Variants in ROBO1 observed in about 807,000 individuals in gnomAD.
ROBO1 encodes the protein roundabout guidance receptor 1.
In ROBO1, 149 loss-of-function variants were observed where a neutral mutation model predicts 195.9. The observed-to-expected ratio is 0.76, with a 90% CI of 0.67 to 0.87. The LOEUF (loss-of-function observed/expected upper bound fraction) is 0.87, where lower values mean the gene tolerates loss of function less well. ROBO1 is among the 40% of genes least tolerant of loss of function. The pLI is 0.00. For missense variants in ROBO1, 1,933 were observed against 2,068.3 expected (o/e 0.93, Z 1.27); for synonymous variants, 816 against 733.2 (o/e 1.11, Z -1.82).
At chr3:79,197,191 C>T (rs920233580) in intron 2 of ROBO1, among the ~76,000 whole-genome samples, 3 of 151,856 alleles carry the variant, frequency 2.0e-5, no homozygotes, top group African/African-American at 7.2e-5. Context: ...TCTCTCCCAG[C>T]ACCCCACCCC....
intron 2 of ROBO1, among the ~76,000 whole-genome samples, chr3:79,334,404 A>T (rs966769756): frequency 6.7e-6 from 1 of 148,640 alleles, no homozygotes; most frequent in Non-Finnish European, 1.5e-5. Context: ...CATCTAATAT[A>T]TTATCTGCTT....
intron 2 of ROBO1, among the ~76,000 whole-genome samples, chr3:79,398,970 A>G (rs1324624717): frequency 6.6e-6 from 1 of 151,764 alleles, no homozygotes; most frequent in Non-Finnish European, 1.5e-5. Flanking sequence ...TTTTGAGGGC[A>G]TAAGAGAGTG....
intron 1 of ROBO1, among the ~76,000 whole-genome samples, chr3:79,734,521 A>G (rs1703297097): frequency 6.6e-6 from 1 of 152,212 alleles, no homozygotes; most frequent in Admixed American, 6.5e-5. Flanking sequence ...TGCAGTAAGC[A>G]TTTATATTCA....
At chr3:79,429,145 T>C (rs775787261) in intron 2 of ROBO1, among the ~76,000 whole-genome samples, 2 of 152,114 alleles carry the variant, frequency 1.3e-5, no homozygotes, top group Non-Finnish European at 2.9e-5. Flanking sequence ...AAGATGAAAC[T>C]AGAAATACGT....
rs1405432445 is a variant in ROBO1 at position 78,909,210 on chromosome 3, A to G, written c.499+29391T>C. 8.6e-5 allele frequency among the ~76,000 whole-genome samples: 13 copies of G among 151,868 alleles called. No individual in the cohort carries two copies. The Admixed American group carries it at 8.6e-4, about 10-fold the overall frequency. ...GAGAGTCAAACTCCAGTTGGCCTACATATATTAGAAATATCAAAGATATTC... is the reference window on the plus strand; with the variant it reads ...GAGAGTCAAACTCCAGTTGGCCTACGTATATTAGAAATATCAAAGATATTC... On this transcript the variant is annotated intron_variant, in intron 4 of 30. Transcript: ENST00000464233.
At chr3:79,677,893 C>T (rs2106948571) in intron 1 of ROBO1, among the ~76,000 whole-genome samples, 1 of 152,192 alleles carries the variant, frequency 6.6e-6, no homozygotes, top group East Asian at 1.9e-4. Flanking sequence ...CCAGTTCAGC[C>T]ATAGTGAATG....
At chr3:78,929,318 A>C (rs1309762276) in intron 4 of ROBO1, among the ~76,000 whole-genome samples, 1 of 152,072 alleles carries the variant, frequency 6.6e-6, no homozygotes, top group Non-Finnish European at 1.5e-5. Flanking sequence ...CATTTTATTC[A>C]TTTATAAAGA....
At chr3:79,398,821 T>C (rs2037251261) in intron 2 of ROBO1, among the ~76,000 whole-genome samples, 1 of 152,144 alleles carries the variant, frequency 6.6e-6, no homozygotes, top group African/African-American at 2.4e-5. Context: ...TTATTATTAG[T>C]GCCACCCCTA....
chr3:78,831,270 A>T (rs370487359), intron 4 of ROBO1, among the ~76,000 whole-genome samples: 2 of 152,150 alleles, frequency 1.3e-5, no homozygotes, highest in Admixed American at 1.3e-4. Context: ...AAACTCTGAT[A>T]TAAACAATAA....
At chr3:78,945,811 G>C (rs1255792086) in intron 3 of ROBO1, among the ~76,000 whole-genome samples, 1 of 152,108 alleles carries the variant, frequency 6.6e-6, no homozygotes, top group Admixed American at 6.5e-5. Context: ...AACCAATACA[G>C]AGAAGTCCTT....
chr3:78,658,982 A>AATT (rs1271291427), intron 17 of ROBO1, among the ~76,000 whole-genome samples: 1 of 152,220 alleles, frequency 6.6e-6, no homozygotes, highest in Non-Finnish European at 1.5e-5. Flanking sequence ...CAGGAGAGAA[A>AATT]TGAGTTCTGA....
chr3:79,314,320 A>C (rs903927367), intron 2 of ROBO1, among the ~76,000 whole-genome samples: 1 of 152,110 alleles, frequency 6.6e-6, no homozygotes, highest in Non-Finnish European at 1.5e-5. Context: ...TATAATCCCC[A>C]TGTGTCATGG....
intron 4 of ROBO1, among the ~76,000 whole-genome samples, chr3:78,767,235 A>T (rs542739242): frequency 7.7e-5 from 11 of 143,722 alleles, no homozygotes; most frequent in Non-Finnish European, 1.3e-4. Flanking sequence ...TCTGCTGTGA[A>T]TCCGTCTGGT....
intron 3 of ROBO1, among the ~76,000 whole-genome samples, chr3:79,003,429 C>G (rs1329457978): frequency 6.6e-6 from 1 of 152,074 alleles, no homozygotes; most frequent in African/African-American, 2.4e-5. Context: ...ATAAAGACTA[C>G]TTAATTAGGA....
chr3:79,348,877 A>G (rs1223768648), intron 2 of ROBO1, among the ~76,000 whole-genome samples: 1 of 152,216 alleles, frequency 6.6e-6, no homozygotes, highest in African/African-American at 2.4e-5. Context: ...CCTCTCCAAA[A>G]TAGGCCTGAT....
Position 79,580,197 on chromosome 3 carries a change from C to A in ROBO1, c.88+9627G>T, listed in dbSNP as rs139230341. Among the ~76,000 whole-genome samples the A allele has an allele frequency of 1.0e-3, 157 of 152,136 alleles. 1 individual carries two copies. The Middle Eastern group carries it at 0.041, about 40-fold the overall frequency. On this transcript the variant is annotated intron_variant, in intron 2 of 30. Transcript: ENST00000464233. The stretch of plus-strand genomic sequence containing the variant: ...CATAATAAATCTTATCCCAGCCAGG[C>A]TCAGTGGCTCATGCCTGTAATCCCA...
rs532465861 is a variant in ROBO1, at chr3:79,560,439, G to A, written c.88+29385C>T. ...GGAGATATACCTAATGCTAAATGACGAGTTAATGGGTGCAGCACACCAGCA... is the reference window on the plus strand; with the variant it reads ...GGAGATATACCTAATGCTAAATGACAAGTTAATGGGTGCAGCACACCAGCA... On this transcript the variant is annotated intron_variant, in intron 2 of 30. Transcript: ENST00000464233. Among the ~76,000 whole-genome samples the A allele has an allele frequency of 6.1e-5, 9 of 147,286 alleles. No individual in the cohort carries two copies. The East Asian group carries it at 8.0e-4, about 13-fold the overall frequency.
At chr3:79,524,203 G>C (rs917687692) in intron 2 of ROBO1, among the ~76,000 whole-genome samples, 1 of 67,494 alleles carries the variant, frequency 1.5e-5, no homozygotes, top group African/African-American at 1.7e-4. Flanking sequence ...GACAGAGACA[G>C]AGAGAACCCA....
At chr3:78,801,224 G>C (rs531077205) in intron 4 of ROBO1, among the ~76,000 whole-genome samples, 32 of 152,098 alleles carry the variant, frequency 2.1e-4, no homozygotes, top group Non-Finnish European at 4.4e-4. Flanking sequence ...CCATAGAAAG[G>C]ATTCTGGATC....
Sources: gnomAD v4.1 joint callset for allele counts (sites outside exome capture counted in the v4.1 genomes callset) on GRCh38, gnomAD v4.1.1 for gene constraint, MANE v1.5 for transcripts, NCBI Gene and HGNC (gene_info 2026-07-23, HGNC 2026-07-21) for gene names.